DISC1: variants seen among roughly 807,000 people sequenced by gnomAD.
The protein encoded by DISC1 is DISC1 scaffold protein, also known as disrupted in schizophrenia 1 protein.
DISC1 carries 57 observed loss-of-function variants against 84.5 expected under a neutral mutation model. The ratio of observed to expected loss-of-function variants is 0.67; its 90% CI spans 0.55 to 0.84. The LOEUF (loss-of-function observed/expected upper bound fraction) is 0.84, where lower values mean the gene tolerates loss of function less well. DISC1 is among the 40% of genes least tolerant of loss of function. The probability of loss-of-function intolerance (pLI) is 0.00; values close to 1 mark genes in which losing one functional copy is unlikely to be tolerated. For missense variants in DISC1, 1,000 were observed against 1,057.8 expected (o/e 0.95, Z 0.76); for synonymous variants, 411 against 415.2 (o/e 0.99, Z 0.12).
intron 1 of DISC1, among the ~76,000 whole-genome samples, chr1:231,691,113 G>C (rs779027485): frequency 6.6e-6 from 1 of 152,084 alleles, no homozygotes; most frequent in Non-Finnish European, 1.5e-5. Context: ...AGGACCTTTG[G>C]TTGAGTGGTT....
intron 3 of DISC1, among the ~76,000 whole-genome samples, chr1:231,738,664 T>C (rs564231996): frequency 4.2e-4 from 64 of 152,312 alleles, no homozygotes; most frequent in Middle Eastern, 3.4e-3. Context: ...CATGTTTCCT[T>C]TGATATCTAA....
At chr1:231,771,546 A>G (rs2076549277) in intron 6 of DISC1, 1 of 985,340 alleles carries the variant, frequency 1.0e-6, no homozygotes, top group South Asian at 4.7e-5. Context: ...TTGGGTGCTT[A>G]CCATGTACCA....
intron 1 of DISC1, among the ~76,000 whole-genome samples, chr1:231,639,907 A>C (rs1217937579): frequency 6.6e-6 from 1 of 152,174 alleles, no homozygotes; most frequent in Non-Finnish European, 1.5e-5. Flanking sequence ...GATTAATGTT[A>C]TCTGATTCAC....
At chr1:231,996,990 A>C (rs554970262) in intron 10 of DISC1, among the ~76,000 whole-genome samples, 1 of 152,356 alleles carries the variant, frequency 6.6e-6, no homozygotes, top group South Asian at 2.1e-4. Context: ...TGAAGACTTC[A>C]AAATCAACCA....
intron 1 of DISC1, among the ~76,000 whole-genome samples, chr1:231,665,853 A>G (rs1465514247): frequency 1.3e-5 from 2 of 152,198 alleles, no homozygotes; most frequent in Non-Finnish European, 2.9e-5. Context: ...AACTAGTTCT[A>G]CAGAGTTTCC....
chr1:231,894,168 A>G (rs1489284857), intron 9 of DISC1, among the ~76,000 whole-genome samples: 3 of 152,232 alleles, frequency 2.0e-5, no homozygotes, highest in Non-Finnish European at 2.9e-5. Context: ...GAGTAAAGAT[A>G]TAATAGTGAT....
intron 3 of DISC1, among the ~76,000 whole-genome samples, chr1:231,702,995 T>G (rs1039860879): frequency 6.6e-6 from 1 of 152,346 alleles, no homozygotes; most frequent in South Asian, 2.1e-4. Context: ...TGGTTAGCTT[T>G]AAGGCATGGG....
chr1:231,684,191 C>T (rs1037851222), intron 1 of DISC1, among the ~76,000 whole-genome samples: 2 of 152,012 alleles, frequency 1.3e-5, no homozygotes, highest in Non-Finnish European at 2.9e-5. Flanking sequence ...AGTGCAGTGG[C>T]TATTCATAGG....
At chr1:231,899,962 G>C (rs1301178742) in intron 9 of DISC1, among the ~76,000 whole-genome samples, 1 of 152,120 alleles carries the variant, frequency 6.6e-6, no homozygotes, top group African/African-American at 2.4e-5. Context: ...GACTATATAA[G>C]TGATTTCAGT....
chr1:231,709,572 A>G (rs1288797189), intron 3 of DISC1, among the ~76,000 whole-genome samples: 1 of 152,086 alleles, frequency 6.6e-6, no homozygotes, highest in African/African-American at 2.4e-5. Context: ...AGTCTGTCCT[A>G]TAAGGATCAC....
At chr1:231,817,282 G>A (rs1037359022) in intron 8 of DISC1, among the ~76,000 whole-genome samples, 2 of 151,998 alleles carry the variant, frequency 1.3e-5, no homozygotes, top group Non-Finnish European at 2.9e-5. Context: ...ATAGGGTTTC[G>A]CCATGTTGGC....
chr1:231,633,072 A>AAAAC (rs759841790), intron 1 of DISC1, among the ~76,000 whole-genome samples: 1 of 152,314 alleles, frequency 6.6e-6, no homozygotes, highest in African/African-American at 2.4e-5. Context: ...CTCCGTCAAA[A>AAAAC]AAACAAACAA....
At chr1:232,007,958 T>C (rs565308586) in intron 10 of DISC1, among the ~76,000 whole-genome samples, 1 of 152,282 alleles carries the variant, frequency 6.6e-6, no homozygotes, top group African/African-American at 2.4e-5. Context: ...TAAAGGGCTC[T>C]TTCCCCCTGC....
At chr1:231,728,657 G>A (rs1206756329) in intron 3 of DISC1, among the ~76,000 whole-genome samples, 1 of 152,182 alleles carries the variant, frequency 6.6e-6, no homozygotes, top group Non-Finnish European at 1.5e-5. Flanking sequence ...AGGACCTGAG[G>A]TCTTTCTTCC....
At chr1:231,763,164 G>A (rs771225091) in intron 4 of DISC1, among the ~76,000 whole-genome samples, 5 of 152,072 alleles carry the variant, frequency 3.3e-5, no homozygotes, top group Non-Finnish European at 5.9e-5. Context: ...GGAAAGAGCA[G>A]GAACCTGGGA....
At chr1:231,950,204 CTGTGTGTGTGTGTGTG>C (rs59801477) in intron 9 of DISC1, among the ~76,000 whole-genome samples, 14 of 139,522 alleles carry the variant, frequency 1.0e-4, no homozygotes, top group East Asian at 2.1e-4. Flanking sequence ...AAAAAAAATT[CTGTGTGTGTGTGTGTG>C]TGTGTGTGTG....
chr1:231,784,911 C>G (rs2077714827), intron 6 of DISC1, among the ~76,000 whole-genome samples: 1 of 152,206 alleles, frequency 6.6e-6, no homozygotes, highest in Admixed American at 6.5e-5. Context: ...CAGCTTGAGT[C>G]ATTTTTATAG....
chr1:231,732,385 C>T (rs76098904), intron 3 of DISC1, among the ~76,000 whole-genome samples: 5 of 152,260 alleles, frequency 3.3e-5, no homozygotes, highest in East Asian at 1.9e-4. Context: ...TTATGCAAAT[C>T]GATCCCAGAC....
chr1:231,710,483 A>G (rs113289510), intron 3 of DISC1, among the ~76,000 whole-genome samples: 28 of 152,344 alleles, frequency 1.8e-4, no homozygotes, highest in African/African-American at 6.5e-4. Context: ...TTTGGTGCAA[A>G]TGGTTGATTT....
Sources: gnomAD v4.1 joint callset for allele counts (sites outside exome capture counted in the v4.1 genomes callset) on GRCh38, gnomAD v4.1.1 for gene constraint, MANE v1.5 for transcripts, NCBI Gene and HGNC (gene_info 2026-07-23, HGNC 2026-07-21) for gene names.